The following C2 variants were observed in gnomAD, a reference collection of about 807,000 sequenced individuals.
The protein encoded by C2 is C3/C5 convertase.
C2 carries 64 observed loss-of-function variants against 85.2 expected under a neutral mutation model. The observed-to-expected ratio is 0.75, with a 90% CI of 0.61 to 0.92. The LOEUF is 0.92. C2 is among the 40% of genes least tolerant of loss of function. The pLI is 0.00. For missense variants in C2, 820 were observed against 971.6 expected (o/e 0.84, Z 2.07); for synonymous variants, 311 against 370.8 (o/e 0.84, Z 1.85).
At chr6:31,911,931 T>C (rs1768133862) in intron 1 of C2, among the ~76,000 whole-genome samples, 1 of 14,576 alleles carries the variant, frequency 6.9e-5, no homozygotes, top group African/African-American at 3.3e-4. Context: ...TGTCTGGCCC[T>C]TTTTTTTTTT....
At chr6:31,912,129 A>C (rs762126586) in intron 1 of C2, among the ~76,000 whole-genome samples, 6 of 152,092 alleles carry the variant, frequency 3.9e-5, no homozygotes, top group Non-Finnish European at 7.4e-5. Context: ...TGTGGACCAC[A>C]GTCTGAGTAG....
In C2 at chr6:31,922,384, C is replaced by A. The variant is rs1000517218; in HGVS notation, c.-100+2358C>A. Among the ~76,000 whole-genome samples the A allele has an allele frequency of 2.6e-5, 4 of 152,082 alleles. No homozygotes were observed. The highest frequency in any genetic ancestry group is 5.9e-5 in the Non-Finnish European group (4 of 68,006). Reference sequence around the variant, plus strand: ...CCTAGGATGACCGCGAAGTCCATGCCCAAGTGGCCAGACTGGATAAGGAGT... The same window carrying A: ...CCTAGGATGACCGCGAAGTCCATGCACAAGTGGCCAGACTGGATAAGGAGT... On this transcript the variant is annotated intron_variant, in intron 1 of 3. Coordinates refer to the C2 transcript ENST00000413154. The surrounding 1 kb of genome is among the most constrained non-coding windows in gnomAD (Gnocchi z 4.8).
chr6:31,938,056 C>T (rs1398726015), intron 8 of C2, among the ~76,000 whole-genome samples: 1 of 151,914 alleles, frequency 6.6e-6, no homozygotes, highest in Non-Finnish European at 1.5e-5. Flanking sequence ...TGATGATGAC[C>T]GTAACCACAA....
At position 31,901,703 on chromosome 6, in the gene C2, C is replaced by A. The variant is rs183271908; in HGVS notation, c.73+564C>A. ...CGGCTGCCTCATTCCTCCGCCCCCC[C>A]CTTACACGTTTGCACGCGCTTTTCA... On this transcript the variant is annotated intron_variant, in intron 1 of 3. Coordinates refer to the C2 transcript ENST00000452202. The A allele has an allele frequency of 6.2e-3, 1,476 of 238,694 alleles. 20 individuals are homozygous for A. The highest frequency in any genetic ancestry group is 0.031 in the African/African-American group (1,350 of 43,004). 14.8% of individuals were successfully genotyped at this position (238,694 alleles called of 1,614,324 possible).
intron 1 of C2, chr6:31,901,790 T>G: frequency 6.5e-6 from 1 of 154,392 alleles, no homozygotes; most frequent in Non-Finnish European, 1.4e-5. Context: ...CAGAGCTCCG[T>G]GGCACGCCCC....
upstream of C2, among the ~76,000 whole-genome samples, chr6:31,917,305 A>G (rs1015726371): frequency 6.6e-6 from 1 of 152,194 alleles, no homozygotes; most frequent in Non-Finnish European, 1.5e-5. Flanking sequence ...AGCCATAAAA[A>G]AAAAAAATTA....
chr6:31,931,482 C>A (rs1297642847), intron 3 of C2, among the ~76,000 whole-genome samples: 1 of 151,380 alleles, frequency 6.6e-6, no homozygotes, highest in Non-Finnish European at 1.5e-5. Context: ...AGCATGCTGC[C>A]TTCAAGCATC....
intron 9 of C2, among the ~76,000 whole-genome samples, chr6:31,939,753 C>T (rs946080461): frequency 1.3e-5 from 2 of 151,940 alleles, no homozygotes; most frequent in Non-Finnish European, 2.9e-5. Flanking sequence ...ATGCTCAGCC[C>T]GTCTTCACAA....
At chr6:31,901,014 T>C in exon 1 of C2, 1 of 1,614,166 alleles carries the variant, frequency 6.2e-7, no homozygotes, top group Non-Finnish European at 8.5e-7. Flanking sequence ...ACGATGTCCC[T>C]AACAGCGAAT....
upstream of C2, among the ~76,000 whole-genome samples, chr6:31,916,135 T>G (rs2151720833): frequency 6.6e-6 from 1 of 152,294 alleles, no homozygotes; most frequent in South Asian, 2.1e-4. Context: ...GGGATGATCT[T>G]AATTTTGGTG....
intron 5 of C2, 65 bp from the exon 6 acceptor site, chr6:31,934,101 A>C: frequency 6.3e-7 from 1 of 1,593,490 alleles, no homozygotes; most frequent in South Asian, 1.1e-5. Context: ...GAGAAGCTGG[A>C]CCTGCTTGGC....
At chr6:31,898,286 C>T, upstream of C2, among the ~76,000 whole-genome samples, 1 of 152,220 alleles carries the variant, frequency 6.6e-6, no homozygotes, top group Non-Finnish European at 1.5e-5. Context: ...GTAAGCCCAG[C>T]GGCCCGAACG....
chr6:31,941,117 T>C (rs1035028596), intron 9 of C2: 1 of 152,240 alleles, frequency 6.6e-6, no homozygotes. Context: ...GAAGACCAGA[T>C]CTGAGGTTTA....
At chr6:31,913,509 G>T (rs1438567214) in intron 1 of C2, among the ~76,000 whole-genome samples, 1 of 152,218 alleles carries the variant, frequency 6.6e-6, no homozygotes, top group African/African-American at 2.4e-5. Flanking sequence ...CTGGAAGGCA[G>T]AGGTTACAGT....
chr6:31,911,810 A>G (rs1369571316), intron 1 of C2, among the ~76,000 whole-genome samples: 3 of 151,138 alleles, frequency 2.0e-5, no homozygotes, highest in East Asian at 3.9e-4. Context: ...TTGTATTTTT[A>G]GTAGAAATGG....
At chr6:31,927,054 C>T (rs1582063760), upstream of C2, among the ~76,000 whole-genome samples, 1 of 152,110 alleles carries the variant, frequency 6.6e-6, no homozygotes, top group Non-Finnish European at 1.5e-5. The surrounding 1 kb of genome is among the most constrained non-coding windows in gnomAD (Gnocchi z 4.7). Context: ...CTAGACTTTC[C>T]GTAAAAATGT....
At chr6:31,900,359 C>G, upstream of C2, 4 of 1,589,022 alleles carry the variant, frequency 2.5e-6, no homozygotes, top group African/African-American at 4.0e-5. The surrounding 1 kb of genome is among the most constrained non-coding windows in gnomAD (Gnocchi z 9.7). Context: ...GGGTCCCCGG[C>G]TGCCCCCCGC....
At chr6:31,908,683 A>G (rs1767894179) in intron 1 of C2, among the ~76,000 whole-genome samples, 1 of 151,746 alleles carries the variant, frequency 6.6e-6, no homozygotes, top group Non-Finnish European at 1.5e-5. Context: ...AGAAATTGTC[A>G]AAGCCATCCC....
Position 31,943,827 on chromosome 6 carries a change from T to C in C2, c.1733+18T>C. 6.2e-7 allele frequency: 1 copy of C among 1,612,884 alleles called. No individual in the cohort carries two copies. Among genetic ancestry groups the C allele is most frequent in the Admixed American group, 1.7e-5 (1 of 60,014 alleles). On this transcript the variant is annotated intron_variant, in intron 13 of 17. Transcript: ENST00000299367. This position sits in a 1 kb window ranked among gnomAD's most constrained non-coding sequence, Gnocchi z 6.4. ...CATGCCAGGTGCCTGGAGTCTGGGATGGGAGGGTGCCCTGCAGGGAAGAGT... is the reference window on the plus strand; with the variant it reads ...CATGCCAGGTGCCTGGAGTCTGGGACGGGAGGGTGCCCTGCAGGGAAGAGT...
Sources: allele counts gnomAD v4.1 joint callset (sites outside exome capture counted in the v4.1 genomes callset), GRCh38; gene constraint gnomAD v4.1.1; non-coding constraint Gnocchi (gnomAD v3.1); transcripts MANE v1.5; gene names NCBI Gene and HGNC (gene_info 2026-07-23, HGNC 2026-07-21).